FOXP1: variants seen among roughly 807,000 people sequenced by gnomAD.
FOXP1 encodes the protein forkhead box P1.
FOXP1 carries 15 observed loss-of-function variants against 98.2 expected under a neutral mutation model. The ratio of observed to expected loss-of-function variants is 0.15; its 90% CI spans 0.10 to 0.24. FOXP1 has a LOEUF of 0.24. FOXP1 is among the 10% of genes least tolerant of loss of function. The probability of loss-of-function intolerance (pLI) is 1.00; values close to 1 mark genes in which losing one functional copy is unlikely to be tolerated. For missense variants in FOXP1, 633 were observed against 848.5 expected, an observed-to-expected ratio of 0.75 and a Z score of 3.15; for synonymous variants, 371 against 314.5, an observed-to-expected ratio of 1.18 and a Z score of -1.90.
rs1250201856 is a variant in FOXP1 at position 71,047,112 on chromosome 3, AG to A, written c.511-18del. On this transcript the variant is annotated intron_variant, in intron 9 of 20. Transcript: ENST00000649528. ...CTGCTGTTGCTGTAAGAAATCAGGAAGAAAAAATGAGATGGCCACTTCCCAA... is the reference window on the plus strand; with the variant it reads ...CTGCTGTTGCTGTAAGAAATCAGGAAAAAAAATGAGATGGCCACTTCCCAA... 4 of 1,613,790 alleles carry A rather than the reference AG, an allele frequency of 2.5e-6. No homozygotes were observed. The African/African-American group carries it at 4.0e-5, about 16-fold the overall frequency.
intron 2 of FOXP1, among the ~76,000 whole-genome samples, chr3:71,525,228 C>G (rs2043283979): frequency 6.6e-6 from 1 of 152,118 alleles, no homozygotes; most frequent in Non-Finnish European, 1.5e-5. Flanking sequence ...TTCACCAAAA[C>G]TAGGGTGGAT....
chr3:71,302,482 T>TA (rs1176676392), intron 4 of FOXP1, among the ~76,000 whole-genome samples: 2 of 98,484 alleles, frequency 2.0e-5, no homozygotes, highest in South Asian at 3.1e-4. Flanking sequence ...GCACCAAAAC[T>TA]AAAATTAAAT....
chr3:71,096,286 G>A (rs2056446887), intron 7 of FOXP1, among the ~76,000 whole-genome samples: 1 of 152,140 alleles, frequency 6.6e-6, no homozygotes, highest in African/African-American at 2.4e-5. Context: ...AAACATGGGT[G>A]GGCATAAAAA....
intron 5 of FOXP1, among the ~76,000 whole-genome samples, chr3:71,200,083 CAAAAAA>C (rs61281811): frequency 5.3e-5 from 4 of 76,110 alleles, no homozygotes; most frequent in East Asian, 4.0e-4. Flanking sequence ...CTCCATCTCA[CAAAAAA>C]AAAAAAAAAA....
intron 3 of FOXP1, among the ~76,000 whole-genome samples, chr3:71,460,239 T>G (rs1002256030): frequency 1.3e-5 from 2 of 151,494 alleles, no homozygotes; most frequent in African/African-American, 4.9e-5. Flanking sequence ...CTTTGTTTGT[T>G]TGTTTGTTTG....
chr3:71,217,293 G>C (rs1192937030), intron 5 of FOXP1, among the ~76,000 whole-genome samples: 2 of 152,038 alleles, frequency 1.3e-5, no homozygotes, highest in African/African-American at 2.4e-5. Context: ...GGTTGGTCTG[G>C]AACTCCTAAC....
intron 4 of FOXP1, among the ~76,000 whole-genome samples, chr3:71,318,648 T>C (rs1432356980): frequency 2.0e-5 from 3 of 152,208 alleles, no homozygotes; most frequent in African/African-American, 4.8e-5. Context: ...TATTTAGACG[T>C]GGGCTGCTGT....
At chr3:71,345,447 T>C (rs981726376) in intron 4 of FOXP1, among the ~76,000 whole-genome samples, 31 of 126,764 alleles carry the variant, frequency 2.4e-4, no homozygotes, top group Admixed American at 7.3e-4. Context: ...CACACACATA[T>C]ATATACCAAA....
intron 20 of FOXP1, among the ~76,000 whole-genome samples, chr3:70,960,837 A>G (rs563070783): frequency 1.3e-5 from 2 of 148,330 alleles, no homozygotes; most frequent in Admixed American, 1.3e-4. Context: ...CCTTTAAAAA[A>G]ATAATTTTTT....
At chr3:71,535,680 C>T (rs2044233353) in intron 2 of FOXP1, among the ~76,000 whole-genome samples, 2 of 152,140 alleles carry the variant, frequency 1.3e-5, no homozygotes, top group South Asian at 2.1e-4. Context: ...GCTGCAGTCG[C>T]ACCACTACAC....
intron 13 of FOXP1, among the ~76,000 whole-genome samples, chr3:70,999,815 T>TA (rs2107602739): frequency 6.6e-6 from 1 of 152,354 alleles, no homozygotes; most frequent in Non-Finnish European, 1.5e-5. Flanking sequence ...TTATCTTCTG[T>TA]ACTTAGCCTA....
At position 71,317,380 on chromosome 3, in the gene FOXP1, G is replaced by A. The variant is rs76374569; in HGVS notation, c.-72-17500C>T. ...AATGAATAAATACTTATCCACAACCGCATATTAAATGGGAATTCGCACAGG... is the reference window on the plus strand; with the variant it reads ...AATGAATAAATACTTATCCACAACCACATATTAAATGGGAATTCGCACAGG... On this transcript the variant is annotated intron_variant, in intron 4 of 20. Transcript: ENST00000649528. 2.0e-3 allele frequency among the ~76,000 whole-genome samples: 300 copies of A among 152,200 alleles called. 2 individuals are homozygous for A. The highest frequency in any genetic ancestry group is 6.8e-3 in the African/African-American group (284 of 41,522).
At chr3:70,987,158 A>G (rs2039883831) in intron 14 of FOXP1, among the ~76,000 whole-genome samples, 1 of 152,254 alleles carries the variant, frequency 6.6e-6, no homozygotes, top group Non-Finnish European at 1.5e-5. Flanking sequence ...CTTAAAATCA[A>G]GAAGCAAAGC....
chr3:71,284,464 G>A (rs2071898818), intron 5 of FOXP1, among the ~76,000 whole-genome samples: 1 of 152,140 alleles, frequency 6.6e-6, no homozygotes. Flanking sequence ...CTCGGGAGCT[G>A]ATGTGGAAGG....
intron 3 of FOXP1, among the ~76,000 whole-genome samples, chr3:71,461,829 G>C (rs1230173881): frequency 6.8e-6 from 1 of 146,918 alleles, no homozygotes. Context: ...GGAAAACAAG[G>C]TAACTGCTTA....
intron 7 of FOXP1, among the ~76,000 whole-genome samples, chr3:71,095,921 A>G (rs1160366285): frequency 6.6e-6 from 1 of 152,240 alleles, no homozygotes; most frequent in African/African-American, 2.4e-5. Flanking sequence ...TAGACCTTCA[A>G]TATACCAAAT....
chr3:71,049,130 G>C (rs899215940), intron 9 of FOXP1, among the ~76,000 whole-genome samples: 3 of 151,956 alleles, frequency 2.0e-5, no homozygotes, highest in Admixed American at 6.6e-5. Context: ...CAGTCCCCTC[G>C]GCAGGTCAGT....
intron 2 of FOXP1, among the ~76,000 whole-genome samples, chr3:71,514,581 A>G (rs13078958): frequency 0.064 from 9,729 of 152,308 alleles, 399 homozygotes; most frequent in African/African-American, 0.091. Flanking sequence ...TGTTGACTGA[A>G]CAATTGAATA....
chr3:71,112,489 T>C lies in FOXP1; in HGVS notation c.282+47A>G, dbSNP rs966284313. ...ATCCACTCCTGAACTGCTTGTCACT[T>C]ATCCCAAAGGGTATAATGTCAATTT... is the stretch of plus-strand genomic sequence containing the variant. On this transcript the variant is annotated intron_variant, in intron 7 of 20. Transcript: ENST00000649528. 9.1e-6 allele frequency: 13 copies of C among 1,421,032 alleles called. No homozygotes were observed. The Admixed American group carries it at 1.0e-4, about 11-fold the overall frequency. 88.0% of individuals were successfully genotyped at this position (1,421,032 alleles called of 1,614,324 possible). A position where few individuals can be genotyped will look rare whatever the true frequency, so the allele number is the denominator to read the frequency against.
Sources: gnomAD v4.1 joint callset for allele counts (sites outside exome capture counted in the v4.1 genomes callset) on GRCh38, gnomAD v4.1.1 for gene constraint, MANE v1.5 for transcripts, NCBI Gene and HGNC (gene_info 2026-07-23, HGNC 2026-07-21) for gene names.